GPC5: variants seen among roughly 807,000 people sequenced by gnomAD.
GPC5 encodes glypican-5.
A neutral mutation model predicts 53.9 loss-of-function variants in GPC5; 47 were observed. That is an observed-to-expected ratio of 0.87 (90% CI 0.69 to 1.11). GPC5 has a LOEUF of 1.11. GPC5 is among the 50% of genes most tolerant of loss of function. The pLI is 0.00. For missense variants in GPC5, 748 were observed against 713.1 expected, an observed-to-expected ratio of 1.05 and a Z score of -0.56; for synonymous variants, 286 against 263.3, an observed-to-expected ratio of 1.09 and a Z score of -0.84.
intron 7 of GPC5, among the ~76,000 whole-genome samples, chr13:92,378,617 C>T (rs1336046417): frequency 6.6e-6 from 1 of 152,060 alleles, no homozygotes. Context: ...AGTACCGTTA[C>T]CTAATTTTAT....
At chr13:91,460,960 C>A (rs866589857) in intron 2 of GPC5, among the ~76,000 whole-genome samples, 2 of 152,104 alleles carry the variant, frequency 1.3e-5, no homozygotes, top group Non-Finnish European at 2.9e-5. Context: ...CCATGCATAT[C>A]TTTATGCTTT....
At chr13:91,416,958 G>A (rs7328485) in intron 1 of GPC5, among the ~76,000 whole-genome samples, 94,139 of 151,906 alleles carry the variant, frequency 0.62, 29,739 homozygotes, top group African/African-American at 0.73. Flanking sequence ...GACTTAGCCC[G>A]CCTTTTACCA....
intron 7 of GPC5, among the ~76,000 whole-genome samples, chr13:92,687,951 G>T (rs1279869576): frequency 2.4e-5 from 1 of 41,646 alleles, no homozygotes; most frequent in Non-Finnish European, 3.7e-5. Context: ...TTGATGTGCT[G>T]CTGGATTCGG....
intron 6 of GPC5, among the ~76,000 whole-genome samples, chr13:92,109,421 T>C (rs962124590): frequency 8.5e-5 from 13 of 152,288 alleles, no homozygotes; most frequent in Non-Finnish European, 1.9e-4. Flanking sequence ...TCACTGAAAC[T>C]GTTGTGGTCT....
chr13:91,820,433 T>C (rs986022563), intron 5 of GPC5, among the ~76,000 whole-genome samples: 2 of 152,206 alleles, frequency 1.3e-5, no homozygotes, highest in African/African-American at 4.8e-5. Context: ...ATTTTCTATT[T>C]AAATTGATTT....
chr13:92,712,115 GA>G (rs79153513), intron 7 of GPC5, among the ~76,000 whole-genome samples: 11,098 of 148,818 alleles, frequency 0.075, 814 homozygotes, highest in East Asian at 0.32. Context: ...TTGTAAAGAT[GA>G]AAAAAAAATG....
intron 7 of GPC5, among the ~76,000 whole-genome samples, chr13:92,608,416 T>C (rs536044670): frequency 6.6e-6 from 1 of 152,326 alleles, no homozygotes; most frequent in African/African-American, 2.4e-5. Flanking sequence ...GAGTACTTTA[T>C]TGTCTATAAA....
At chr13:92,442,867 T>C (rs1481341643) in intron 7 of GPC5, among the ~76,000 whole-genome samples, 4 of 152,226 alleles carry the variant, frequency 2.6e-5, no homozygotes, top group African/African-American at 9.6e-5. Context: ...TTCTCACATT[T>C]GTTCCAGATA....
intron 5 of GPC5, among the ~76,000 whole-genome samples, chr13:91,776,144 C>T (rs1220934002): frequency 6.6e-6 from 1 of 152,054 alleles, no homozygotes; most frequent in Non-Finnish European, 1.5e-5. Flanking sequence ...AATGTTGGAC[C>T]CGAGACAGCT....
At chr13:92,675,020 G>C (rs17267306) in intron 7 of GPC5, among the ~76,000 whole-genome samples, 2 of 151,896 alleles carry the variant, frequency 1.3e-5, no homozygotes, top group Non-Finnish European at 2.9e-5. Flanking sequence ...GCTGTTTTGA[G>C]TTATATTTTT....
chr13:92,752,959 C>A (rs1254253007), intron 7 of GPC5, among the ~76,000 whole-genome samples: 3 of 152,198 alleles, frequency 2.0e-5, no homozygotes, highest in African/African-American at 7.2e-5. Flanking sequence ...ACAAAGCAGC[C>A]AGGAAGCTCG....
chr13:91,967,531 T>A (rs1288944240), intron 6 of GPC5, among the ~76,000 whole-genome samples: 1 of 152,126 alleles, frequency 6.6e-6, no homozygotes, highest in African/African-American at 2.4e-5. Flanking sequence ...GTCTAGCTTT[T>A]TGTTCAGATT....
At chr13:91,792,038 T>A (rs773984190) in intron 5 of GPC5, among the ~76,000 whole-genome samples, 8 of 152,254 alleles carry the variant, frequency 5.3e-5, no homozygotes, top group Non-Finnish European at 8.8e-5. Context: ...TTTCAGACAG[T>A]ATCTCAGAGA....
chr13:91,668,739 A>G (rs1180642790), intron 2 of GPC5, among the ~76,000 whole-genome samples: 2 of 152,194 alleles, frequency 1.3e-5, no homozygotes, highest in Admixed American at 6.5e-5. Flanking sequence ...GTTGGTTCTT[A>G]TTAATCATTA....
At position 91,628,480 on chromosome 13, in the gene GPC5, ATCTG is replaced by A. The variant is rs56957789; in HGVS notation, c.326-64687_326-64684del. 7.2e-4 allele frequency among the ~76,000 whole-genome samples: 108 copies of A among 149,178 alleles called. 3 individuals carry two copies. In the South Asian group the frequency reaches 0.023, roughly 31 times the overall value. ...CCGTAGCTACCTATCATTTGTATCT[ATCTG>A]TCTGTCTGTCTGTCTGTCTATCTCT... On this transcript the variant is annotated intron_variant, in intron 2 of 7. Coordinates refer to ENST00000377067, the MANE Select transcript of GPC5 (RefSeq NM_004466.6).
At chr13:92,606,227 C>T (rs4773691) in intron 7 of GPC5, among the ~76,000 whole-genome samples, 145,741 of 152,048 alleles carry the variant, frequency 0.96, 70,108 homozygotes, top group Non-Finnish European at 1. Flanking sequence ...CCTAATGCTA[C>T]CCCTTTCCCT....
At position 92,184,597 on chromosome 13, in the gene GPC5, G is replaced by T. The variant is rs560384987; in HGVS notation, c.1561+39608G>T. ...AATCCCCAGTGAAAGATTAAACATT[G>T]GTTGTTCTGGATTTAATTCTGTTAG... On this transcript the variant is annotated intron_variant, in intron 7 of 7. Transcript: ENST00000377067. Among the ~76,000 whole-genome samples, 43 of 152,184 alleles carry T rather than the reference G, an allele frequency of 2.8e-4. No homozygotes were observed. The South Asian group carries it at 8.5e-3, about 30-fold the overall frequency.
chr13:92,612,638 T>C (rs534876876), intron 7 of GPC5, among the ~76,000 whole-genome samples: 2 of 152,106 alleles, frequency 1.3e-5, no homozygotes, highest in Non-Finnish European at 2.9e-5. Context: ...AGGACTCTTA[T>C]GTTGTTCTCA....
intron 5 of GPC5, among the ~76,000 whole-genome samples, chr13:91,839,173 T>TC (rs2038756468): frequency 6.6e-6 from 1 of 152,188 alleles, no homozygotes; most frequent in Non-Finnish European, 1.5e-5. Flanking sequence ...TCCATCTTAA[T>TC]GAACACTTGT....
Sources: allele counts gnomAD v4.1 joint callset (sites outside exome capture counted in the v4.1 genomes callset), GRCh38; gene constraint gnomAD v4.1.1; transcripts MANE v1.5; gene names NCBI Gene and HGNC (gene_info 2026-07-23, HGNC 2026-07-21).